Variants in FOXJ3 observed in about 807,000 individuals in gnomAD.
The protein encoded by FOXJ3 is forkhead box J3, also known as forkhead box protein J3.
In FOXJ3, 22 loss-of-function variants were observed where a neutral mutation model predicts 76.1. That is an observed-to-expected ratio of 0.29 (90% CI 0.21 to 0.41). The LOEUF (loss-of-function observed/expected upper bound fraction) is 0.41. Among genes scored for constraint, FOXJ3 ranks in the 10% least tolerant of loss-of-function variants. FOXJ3 has a pLI of 1.00. For missense variants in FOXJ3, 613 were observed against 762.1 expected, an observed-to-expected ratio of 0.80 and a Z score of 2.30; for synonymous variants, 269 against 261.2, an observed-to-expected ratio of 1.03 and a Z score of -0.29.
At chr1:42,188,164 T>A (rs929804353) in intron 11 of FOXJ3, among the ~76,000 whole-genome samples, 7 of 152,154 alleles carry the variant, frequency 4.6e-5, no homozygotes. Context: ...GTAACTTGGA[T>A]ATGAAATTCC....
chr1:42,331,814 TC>T (rs1384272203), intron 1 of FOXJ3, among the ~76,000 whole-genome samples: 1 of 119,390 alleles, frequency 8.4e-6, no homozygotes, highest in Non-Finnish European at 1.8e-5. Context: ...GAATTATACT[TC>T]AAGAAAGCTT....
intron 4 of FOXJ3, among the ~76,000 whole-genome samples, chr1:42,264,666 A>T (rs993438220): frequency 1.2e-4 from 18 of 152,112 alleles, no homozygotes; most frequent in Non-Finnish European, 2.5e-4. Flanking sequence ...AAAACGTGAA[A>T]AATGCAGTGG....
intron 2 of FOXJ3, among the ~76,000 whole-genome samples, chr1:42,310,739 C>T (rs1180445847): frequency 5.9e-5 from 9 of 152,080 alleles, no homozygotes; most frequent in African/African-American, 1.4e-4. Flanking sequence ...TGTGAGCCAC[C>T]GCGCCCAGCC....
intron 1 of FOXJ3, among the ~76,000 whole-genome samples, chr1:42,319,180 T>C (rs966912182): frequency 2.0e-5 from 3 of 152,106 alleles, no homozygotes; most frequent in African/African-American, 7.2e-5. Context: ...CAGTGAGCTG[T>C]GATCGTGTCA....
intron 5 of FOXJ3, among the ~76,000 whole-genome samples, chr1:42,218,315 C>T (rs1489723599): frequency 2.0e-5 from 3 of 152,150 alleles, no homozygotes; most frequent in Non-Finnish European, 4.4e-5. Context: ...GAGTATCCCA[C>T]CTAGAAAAAT....
At chr1:42,254,762 A>C (rs1164826551) in intron 4 of FOXJ3, among the ~76,000 whole-genome samples, 2 of 149,698 alleles carry the variant, frequency 1.3e-5, no homozygotes, top group African/African-American at 2.5e-5. Context: ...GGAATTGAGC[A>C]ATGAGAGCAC....
intron 4 of FOXJ3, among the ~76,000 whole-genome samples, chr1:42,258,255 T>C (rs1467674493): frequency 6.6e-6 from 1 of 152,204 alleles, no homozygotes; most frequent in Non-Finnish European, 1.5e-5. Context: ...GCAATCCAAC[T>C]TCAAAAGATT....
At chr1:42,234,932 T>G (rs983603663) in intron 4 of FOXJ3, among the ~76,000 whole-genome samples, 1 of 152,202 alleles carries the variant, frequency 6.6e-6, no homozygotes, top group Non-Finnish European at 1.5e-5. Flanking sequence ...TTCAAAGCTG[T>G]AAGACAGGGA....
chr1:42,208,083 C>T (rs1398955584), intron 5 of FOXJ3, among the ~76,000 whole-genome samples: 1 of 152,188 alleles, frequency 6.6e-6, no homozygotes, highest in Non-Finnish European at 1.5e-5. Flanking sequence ...ATTACTCGAA[C>T]TTTATGCTTG....
chr1:42,324,371 T>TATTATATATA (rs1655701812), intron 1 of FOXJ3, among the ~76,000 whole-genome samples: 1 of 147,096 alleles, frequency 6.8e-6, no homozygotes, highest in African/African-American at 2.5e-5. Flanking sequence ...ATACTATATA[T>TATTATATATA]ACTATATATA....
At chr1:42,279,716 TCAA>T (rs1334203278) in intron 2 of FOXJ3, among the ~76,000 whole-genome samples, 1 of 151,766 alleles carries the variant, frequency 6.6e-6, no homozygotes, top group Non-Finnish European at 1.5e-5. Context: ...TATTCTGGGA[TCAA>T]AGAAGCAGGA....
intron 3 of FOXJ3, among the ~76,000 whole-genome samples, chr1:42,271,448 C>T (rs187866162): frequency 3.7e-4 from 56 of 152,160 alleles, no homozygotes; most frequent in African/African-American, 1.2e-3. Context: ...ATATTAAATA[C>T]ACTTCTAGTT....
intron 2 of FOXJ3, among the ~76,000 whole-genome samples, chr1:42,280,953 G>C (rs1652662846): frequency 6.6e-6 from 1 of 152,056 alleles, no homozygotes; most frequent in African/African-American, 2.4e-5. Flanking sequence ...CCATGGAGTA[G>C]AGCTTTATTT....
intron 1 of FOXJ3, among the ~76,000 whole-genome samples, chr1:42,313,947 A>G (rs1241549909): frequency 1.3e-5 from 2 of 152,202 alleles, no homozygotes; most frequent in African/African-American, 4.8e-5. Context: ...CCAAACAAAT[A>G]TCTAACATTC....
intron 4 of FOXJ3, among the ~76,000 whole-genome samples, chr1:42,253,781 T>A (rs1485719984): frequency 3.3e-5 from 5 of 151,808 alleles, no homozygotes; most frequent in African/African-American, 1.2e-4. Context: ...TGAAACTGGA[T>A]CCCTTCCTTA....
At chr1:42,192,095 G>C (rs754492383) in intron 8 of FOXJ3, among the ~76,000 whole-genome samples, 4 of 152,228 alleles carry the variant, frequency 2.6e-5, no homozygotes, top group African/African-American at 9.6e-5. Flanking sequence ...TCGGGGAAAA[G>C]TGGGAAAGGT....
chr1:42,235,879 G>A (rs1569988850), intron 4 of FOXJ3, among the ~76,000 whole-genome samples: 1 of 152,012 alleles, frequency 6.6e-6, no homozygotes, highest in African/African-American at 2.4e-5. Flanking sequence ...GTAGAAATGG[G>A]GTCTCATCAT....
chr1:42,267,824 T>A (rs977538082), intron 3 of FOXJ3, among the ~76,000 whole-genome samples: 22 of 152,138 alleles, frequency 1.4e-4, no homozygotes, highest in African/African-American at 5.3e-4. Context: ...TAAACATGAT[T>A]AAAGATTTTT....
At chr1:42,332,617 C>G (rs1055762861) in intron 1 of FOXJ3, among the ~76,000 whole-genome samples, 2 of 152,164 alleles carry the variant, frequency 1.3e-5, no homozygotes. Flanking sequence ...CATCATCTTA[C>G]TCTCATTCTT....
Sources: allele counts gnomAD v4.1 joint callset (sites outside exome capture counted in the v4.1 genomes callset), GRCh38; gene constraint gnomAD v4.1.1; transcripts MANE v1.5; gene names NCBI Gene and HGNC (gene_info 2026-07-23, HGNC 2026-07-21).